Variants in DLG2 observed in about 807,000 individuals in gnomAD.
DLG2 encodes disks large homolog 2.
In DLG2, 45 loss-of-function variants were observed where a neutral mutation model predicts 132.5. The observed-to-expected ratio is 0.34, with a 90% CI of 0.27 to 0.44. DLG2 has a LOEUF of 0.44. Among genes scored for constraint, DLG2 ranks in the 20% least tolerant of loss-of-function variants. DLG2 has a pLI of 1.00. For synonymous variants in DLG2, 424 were observed against 419.6 expected, an observed-to-expected ratio of 1.01 and a Z score of -0.13; for missense variants, 1,045 against 1,196.9, an observed-to-expected ratio of 0.87 and a Z score of 1.87.
intron 6 of DLG2, among the ~76,000 whole-genome samples, chr11:85,047,944 C>T (rs2062510715): frequency 6.6e-6 from 1 of 151,812 alleles, no homozygotes; most frequent in Admixed American, 6.6e-5. Context: ...CCTGTTATCT[C>T]CACGAGAATT....
chr11:84,337,031 T>C (rs961300874), intron 7 of DLG2, among the ~76,000 whole-genome samples: 2 of 152,330 alleles, frequency 1.3e-5, no homozygotes, highest in East Asian at 3.9e-4. Flanking sequence ...ATTAACATGA[T>C]TGAGTCTGAC....
intron 18 of DLG2, among the ~76,000 whole-genome samples, chr11:83,761,828 A>T (rs1566863789): frequency 6.6e-6 from 1 of 152,200 alleles, no homozygotes; most frequent in Non-Finnish European, 1.5e-5. Flanking sequence ...ATCCCACAAC[A>T]GCATAGCAAC....
intron 15 of DLG2, among the ~76,000 whole-genome samples, chr11:83,909,844 GAGAC>G (rs1380823875): frequency 6.6e-6 from 1 of 152,090 alleles, no homozygotes; most frequent in East Asian, 1.9e-4. Context: ...ATCTTCCTCT[GAGAC>G]ATTTGATACA....
chr11:85,381,401 T>G (rs1385745414), intron 3 of DLG2, among the ~76,000 whole-genome samples: 1 of 152,292 alleles, frequency 6.6e-6, no homozygotes, highest in African/African-American at 2.4e-5. Flanking sequence ...TCATACTTAA[T>G]GGTGAAAGAC....
chr11:85,454,651 T>A (rs1423368020), intron 3 of DLG2, among the ~76,000 whole-genome samples: 2 of 152,188 alleles, frequency 1.3e-5, no homozygotes, highest in Non-Finnish European at 2.9e-5. Context: ...CTTCTAGAGT[T>A]TTTATAGTTT....
intron 12 of DLG2, among the ~76,000 whole-genome samples, chr11:83,971,736 T>A (rs564307593): frequency 6.6e-6 from 1 of 152,258 alleles, no homozygotes; most frequent in Admixed American, 6.5e-5. Flanking sequence ...ATCATTAGGT[T>A]GTAAGATAAA....
At chr11:85,322,691 G>C (rs757404360) in intron 3 of DLG2, among the ~76,000 whole-genome samples, 35 of 152,106 alleles carry the variant, frequency 2.3e-4, no homozygotes, top group Non-Finnish European at 4.6e-4. Context: ...CTTACATCCA[G>C]AAATATTTCC....
In DLG2 at chr11:84,255,491, T is replaced by A. The variant is rs1202867730; in HGVS notation, c.520-4200A>T. Among the ~76,000 whole-genome samples, 5 of 152,198 alleles carry A rather than the reference T, an allele frequency of 3.3e-5. No individual in the cohort carries two copies. The East Asian group carries it at 9.7e-4, about 29-fold the overall frequency. ...GGCACCTGCCACCACGCCTGGCTAA[T>A]TTTTGTATTTTTAGTAGAGATGCAG... On this transcript the variant is annotated intron_variant, in intron 7 of 27. Coordinates refer to ENST00000376104, the MANE Select transcript of DLG2 (RefSeq NM_001142699.3).
intron 3 of DLG2, among the ~76,000 whole-genome samples, chr11:85,358,906 A>C (rs902666460): frequency 6.6e-6 from 1 of 152,108 alleles, no homozygotes; most frequent in Non-Finnish European, 1.5e-5. Context: ...CTCACAGCTA[A>C]TTACTTTTTT....
intron 9 of DLG2, among the ~76,000 whole-genome samples, chr11:84,101,088 A>C: frequency 6.6e-6 from 1 of 152,264 alleles, no homozygotes; most frequent in East Asian, 1.9e-4. Context: ...TTTATTAAAC[A>C]CCACCTCTGT....
At chr11:83,509,515 T>C (rs2094899863) in intron 21 of DLG2, among the ~76,000 whole-genome samples, 1 of 152,190 alleles carries the variant, frequency 6.6e-6, no homozygotes, top group African/African-American at 2.4e-5. Context: ...CAGTGCTTTT[T>C]TCCTTTTTGA....
At chr11:84,813,175 T>TACAC (rs61332466) in intron 6 of DLG2, among the ~76,000 whole-genome samples, 97 of 151,074 alleles carry the variant, frequency 6.4e-4, no homozygotes, top group Admixed American at 2.3e-3. Flanking sequence ...ATTAAATACA[T>TACAC]ACACACACAC....
intron 6 of DLG2, among the ~76,000 whole-genome samples, chr11:85,071,044 C>A (rs971846777): frequency 6.6e-6 from 1 of 151,836 alleles, no homozygotes; most frequent in South Asian, 2.1e-4. Flanking sequence ...CCTGATCTCT[C>A]TACGCCTCTG....
At chr11:83,569,361 A>G (rs1350770611) in intron 19 of DLG2, among the ~76,000 whole-genome samples, 1 of 152,222 alleles carries the variant, frequency 6.6e-6, no homozygotes, top group Admixed American at 6.5e-5. Context: ...TGGCACAGAA[A>G]AATGGAAACA....
intron 3 of DLG2, among the ~76,000 whole-genome samples, chr11:85,292,819 T>G (rs1362490706): frequency 6.6e-6 from 1 of 151,684 alleles, no homozygotes; most frequent in Non-Finnish European, 1.5e-5. Context: ...AATCTTGGTT[T>G]CAAAGTATTT....
chr11:83,998,643 T>C (rs1366560410), intron 11 of DLG2, among the ~76,000 whole-genome samples: 1 of 152,174 alleles, frequency 6.6e-6, no homozygotes, highest in Non-Finnish European at 1.5e-5. Flanking sequence ...CCCTCAACTC[T>C]TGTGGGTCCT....
chr11:85,457,373 G>A (rs1476160034), intron 3 of DLG2, among the ~76,000 whole-genome samples: 1 of 152,100 alleles, frequency 6.6e-6, no homozygotes, highest in Non-Finnish European at 1.5e-5. Flanking sequence ...ATACCATTAG[G>A]TCTTGCTTCT....
chr11:85,040,082 C>T (rs2061729470), intron 6 of DLG2, among the ~76,000 whole-genome samples: 1 of 151,870 alleles, frequency 6.6e-6, no homozygotes. Flanking sequence ...GTAACTTATT[C>T]AATGTGCACT....
chr11:84,670,711 C>T (rs1033710021), intron 6 of DLG2, among the ~76,000 whole-genome samples: 2 of 152,114 alleles, frequency 1.3e-5, no homozygotes, highest in African/African-American at 4.8e-5. Flanking sequence ...TTTAATGTCA[C>T]ACAATGACTG....
Sources: gnomAD v4.1 joint callset for allele counts (sites outside exome capture counted in the v4.1 genomes callset) on GRCh38, gnomAD v4.1.1 for gene constraint, MANE v1.5 for transcripts, NCBI Gene and HGNC (gene_info 2026-07-23, HGNC 2026-07-21) for gene names.